Variants in NMNAT3 observed in about 807,000 individuals in gnomAD.
NMNAT3 encodes nicotinamide nucleotide adenylyltransferase 3.
A neutral mutation model predicts 24.8 loss-of-function variants in NMNAT3; 21 were observed. That is an observed-to-expected ratio of 0.85 (90% CI 0.60 to 1.22). The LOEUF is 1.22. Ranked by LOEUF, NMNAT3 falls within the 50% of genes most tolerant of loss-of-function variation. The pLI is 0.00. For synonymous variants in NMNAT3, 136 were observed against 155.2 expected (o/e 0.88, Z 0.92); for missense variants, 387 against 436.6 (o/e 0.89, Z 1.01).
chr3:139,585,296 C>T (rs540430663), intron 3 of NMNAT3, among the ~76,000 whole-genome samples: 1 of 152,262 alleles, frequency 6.6e-6, no homozygotes, highest in South Asian at 2.1e-4. Flanking sequence ...ATTTAATGAG[C>T]TTTCAATGAA....
At chr3:139,575,101 T>C (rs528476399) in intron 5 of NMNAT3, among the ~76,000 whole-genome samples, 88 of 152,288 alleles carry the variant, frequency 5.8e-4, no homozygotes, top group African/African-American at 1.9e-3. Context: ...TCCCACCAGA[T>C]TGTGAAAAGG....
At chr3:139,613,995 G>A (rs528424879) in intron 3 of NMNAT3, among the ~76,000 whole-genome samples, 1 of 151,956 alleles carries the variant, frequency 6.6e-6, no homozygotes, top group East Asian at 1.9e-4. Flanking sequence ...TGTGGGGTGG[G>A]GGAAGGGGGG....
intron 3 of NMNAT3, among the ~76,000 whole-genome samples, chr3:139,595,564 T>C (rs187235479): frequency 5.3e-5 from 8 of 152,192 alleles, no homozygotes; most frequent in African/African-American, 9.6e-5. Context: ...CAAACTATAC[T>C]ATAAGGCTAC....
intron 1 of NMNAT3, among the ~76,000 whole-genome samples, chr3:139,662,416 A>G (rs1367490343): frequency 6.6e-6 from 1 of 152,160 alleles, no homozygotes; most frequent in Admixed American, 6.5e-5. Context: ...AGATTAAATG[A>G]GACAGTGTCA....
At chr3:139,602,400 A>C (rs1412856608) in intron 3 of NMNAT3, among the ~76,000 whole-genome samples, 2 of 152,228 alleles carry the variant, frequency 1.3e-5, no homozygotes, top group Non-Finnish European at 2.9e-5. Flanking sequence ...GAAACTTGAA[A>C]CAAGATTTTT....
At chr3:139,617,200 C>T (rs945060557) in intron 3 of NMNAT3, among the ~76,000 whole-genome samples, 3 of 152,164 alleles carry the variant, frequency 2.0e-5, no homozygotes, top group Non-Finnish European at 2.9e-5. Context: ...TGGCATATGT[C>T]ACCTTGGTAA....
intron 6 of NMNAT3, chr3:139,567,480 GA>G (rs1937423203): frequency 6.6e-6 from 1 of 152,078 alleles, no homozygotes; most frequent in South Asian, 2.1e-4. Context: ...CATTCAGTAT[GA>G]TATTGGCTGT....
At chr3:139,643,507 AC>A (rs1403572389) in intron 1 of NMNAT3, among the ~76,000 whole-genome samples, 2 of 152,234 alleles carry the variant, frequency 1.3e-5, no homozygotes, top group Non-Finnish European at 2.9e-5. Flanking sequence ...GAATGGAAAA[AC>A]AAAATATACG....
At chr3:139,633,181 ATTT>A (rs1553755551) in intron 2 of NMNAT3, among the ~76,000 whole-genome samples, 5 of 99,354 alleles carry the variant, frequency 5.0e-5, no homozygotes, top group African/African-American at 1.2e-4. Context: ...TTTTTGTTTG[ATTT>A]TTTTTTTTTT....
intron 1 of NMNAT3, among the ~76,000 whole-genome samples, chr3:139,660,235 G>A (rs571322713): frequency 6.6e-6 from 1 of 152,220 alleles, no homozygotes; most frequent in South Asian, 2.1e-4. Flanking sequence ...ACATCCTATG[G>A]TCCACCGGGA....
chr3:139,565,536 T>C (rs1937065195), intron 6 of NMNAT3: 2 of 149,382 alleles, frequency 1.3e-5, no homozygotes, highest in East Asian at 2.0e-4. Context: ...CAACAGTCCC[T>C]ACTGTGTGAT....
intron 2 of NMNAT3, among the ~76,000 whole-genome samples, chr3:139,630,293 G>A (rs1385300997): frequency 1.3e-5 from 2 of 152,204 alleles, no homozygotes; most frequent in African/African-American, 4.8e-5. Flanking sequence ...TAGCTTGACA[G>A]CCTCTCCAGT....
intron 3 of NMNAT3, among the ~76,000 whole-genome samples, chr3:139,605,454 CTA>C (rs1160231056): frequency 6.6e-6 from 1 of 152,110 alleles, no homozygotes; most frequent in Non-Finnish European, 1.5e-5. Flanking sequence ...GTGATCAACT[CTA>C]TGCTGGGAGC....
intron 6 of NMNAT3, among the ~76,000 whole-genome samples, chr3:139,563,271 T>TATC (rs1448223947): frequency 1.3e-5 from 2 of 152,238 alleles, no homozygotes; most frequent in Admixed American, 1.3e-4. Flanking sequence ...TCCAATTTCT[T>TATC]ATCTATCCAA....
chr3:139,649,350 A>AAACAAACAAAC (rs2056979912), intron 1 of NMNAT3, among the ~76,000 whole-genome samples: 1 of 114,136 alleles, frequency 8.8e-6, no homozygotes, highest in African/African-American at 3.1e-5. Flanking sequence ...AACAAACAAA[A>AAACAAACAAAC]AAACTGGCTT....
intron 1 of NMNAT3, among the ~76,000 whole-genome samples, chr3:139,651,702 C>T (rs971886959): frequency 5.9e-5 from 9 of 152,226 alleles, no homozygotes; most frequent in South Asian, 2.1e-4. Context: ...GAGGGCAGAG[C>T]GAATCCCTAG....
At chr3:139,656,328 C>G (rs911019596) in intron 1 of NMNAT3, among the ~76,000 whole-genome samples, 7 of 151,830 alleles carry the variant, frequency 4.6e-5, no homozygotes, top group Admixed American at 2.6e-4. Context: ...TTTGAAGGTC[C>G]TATTGGTGGC....
chr3:139,572,901 CA>C (rs1938628218), intron 6 of NMNAT3, among the ~76,000 whole-genome samples: 1 of 152,304 alleles, frequency 6.6e-6, no homozygotes, highest in African/African-American at 2.4e-5. Context: ...TTCCACCAAC[CA>C]AAGTCGGGAG....
intron 1 of NMNAT3, among the ~76,000 whole-genome samples, chr3:139,660,142 G>T (rs7620011): frequency 0.28 from 43,275 of 152,026 alleles, 6,392 homozygotes; most frequent in East Asian, 0.45. Flanking sequence ...TCCAGCTCCT[G>T]GGAAGCCCCT....
Sources: gnomAD v4.1 joint callset for allele counts (sites outside exome capture counted in the v4.1 genomes callset) on GRCh38, gnomAD v4.1.1 for gene constraint, MANE v1.5 for transcripts, NCBI Gene and HGNC (gene_info 2026-07-23, HGNC 2026-07-21) for gene names.